Variants in DYNC2I1 observed in about 807,000 individuals in gnomAD.
DYNC2I1 encodes cytoplasmic dynein 2 intermediate chain 1.
DYNC2I1 carries 89 observed loss-of-function variants against 133.4 expected under a neutral mutation model. That is an observed-to-expected ratio of 0.67 (90% CI 0.56 to 0.80). The LOEUF (loss-of-function observed/expected upper bound fraction) is 0.80. Ranked by LOEUF, DYNC2I1 falls within the 30% of genes least tolerant of loss-of-function variation. The pLI is 0.00. For synonymous variants in DYNC2I1, 504 were observed against 484.3 expected, an observed-to-expected ratio of 1.04 and a Z score of -0.54; for missense variants, 1,291 against 1,314.5, an observed-to-expected ratio of 0.98 and a Z score of 0.28.
At chr7:158,850,963 C>G in the DYNC2I1 span, among the ~76,000 whole-genome samples, 1 of 151,166 alleles carries the variant, frequency 6.6e-6, no homozygotes, top group Non-Finnish European at 1.5e-5. Flanking sequence ...GCTGCTTGGT[C>G]GTGAATGACA....
At chr7:158,890,319 T>A (rs1318167284) in intron 7 of DYNC2I1, among the ~76,000 whole-genome samples, 1 of 152,210 alleles carries the variant, frequency 6.6e-6, no homozygotes, top group Non-Finnish European at 1.5e-5. Context: ...TTCTTTTTTT[T>A]TCTTTTCCAG....
chr7:158,929,048 G>T (rs980016908), intron 20 of DYNC2I1, among the ~76,000 whole-genome samples: 1 of 152,144 alleles, frequency 6.6e-6, no homozygotes, highest in African/African-American at 2.4e-5. Context: ...GATATCCTGG[G>T]GTGGTGAGTA....
intron 12 of DYNC2I1, among the ~76,000 whole-genome samples, chr7:158,911,999 C>T (rs944058953): frequency 2.0e-5 from 3 of 152,158 alleles, no homozygotes; most frequent in Non-Finnish European, 4.4e-5. Context: ...TATTTAGAGA[C>T]AGTCTCACTC....
the DYNC2I1 span, among the ~76,000 whole-genome samples, chr7:158,850,801 A>T: frequency 6.6e-6 from 1 of 152,178 alleles, no homozygotes; most frequent in African/African-American, 2.4e-5. Context: ...AGAGTTCCAT[A>T]ATAAAATAAA....
chr7:158,910,781 C>T (rs924573086), intron 11 of DYNC2I1, among the ~76,000 whole-genome samples: 4 of 149,112 alleles, frequency 2.7e-5, no homozygotes, highest in African/African-American at 7.5e-5. Flanking sequence ...TTGGCTGTGT[C>T]AGGCCTGTGT....
chr7:158,841,217 A>G, the DYNC2I1 span, among the ~76,000 whole-genome samples: 2 of 69,128 alleles, frequency 2.9e-5, no homozygotes, highest in African/African-American at 1.2e-4. Context: ...ATATATATAT[A>G]TATATTTTAG....
chr7:158,875,418 A>C (rs557759899), intron 3 of DYNC2I1, among the ~76,000 whole-genome samples: 2 of 152,148 alleles, frequency 1.3e-5, no homozygotes, highest in East Asian at 3.9e-4. Context: ...GAATGAATGC[A>C]CTTTGCCTCA....
chr7:158,949,696 G>A (rs966200014), downstream of DYNC2I1, among the ~76,000 whole-genome samples: 3 of 152,244 alleles, frequency 2.0e-5, no homozygotes, highest in Non-Finnish European at 4.4e-5. Flanking sequence ...CATGGGAGGA[G>A]CATCAAAGGC....
chr7:158,950,206 G>A (rs1342103731), downstream of DYNC2I1, among the ~76,000 whole-genome samples: 2 of 152,204 alleles, frequency 1.3e-5, no homozygotes, highest in Admixed American at 1.3e-4. Flanking sequence ...TGGGATGACA[G>A]GTGTGCACCA....
rs78248905 is a variant in DYNC2I1 at position 158,945,697 on chromosome 7, C to G, written c.3119C>G (p.Ala1040Gly). Residue 1040 changes from alanine (A) to glycine (G), a missense_variant, in exon 25 of 25, where the codon GCG becomes GGG. Coordinates refer to ENST00000407559, the MANE Select transcript of DYNC2I1 (RefSeq NM_018051.5). This position sits in a 1 kb window ranked among gnomAD's most constrained non-coding sequence, Gnocchi z 4.1. The stretch of plus-strand genomic sequence containing the variant: ...ATCCAGCACCTGAAGAGGCGGTGGG[C>G]GGCCCCGGAGGTGGACGAGTGCAAC... ...IDIQHLKRRW[A>G]APEVDECNRL... is the part of the protein sequence containing the mutation. 1.1e-5 allele frequency: 18 copies of G among 1,611,210 alleles called. No individual in the cohort carries two copies. Among genetic ancestry groups the G allele is most frequent in the Non-Finnish European group, 1.4e-5 (17 of 1,178,808 alleles).
At chr7:158,863,629 G>T (rs116923204) in intron 1 of DYNC2I1, among the ~76,000 whole-genome samples, 7 of 110,250 alleles carry the variant, frequency 6.3e-5, no homozygotes, top group African/African-American at 2.5e-4. Flanking sequence ...GTGTGTTTGG[G>T]GGGGGCGGTG....
At chr7:158,932,955 G>A (rs575378338) in intron 21 of DYNC2I1, among the ~76,000 whole-genome samples, 20 of 152,306 alleles carry the variant, frequency 1.3e-4, no homozygotes, top group African/African-American at 4.8e-4. Context: ...GGGAGGGTTG[G>A]GAGCAGCCCA....
At chr7:158,879,623 A>G in intron 4 of DYNC2I1, 61 bp from the exon 5 acceptor site, 1 of 1,493,562 alleles carries the variant, frequency 6.7e-7, no homozygotes. Flanking sequence ...ACAGAGAGGG[A>G]GGGCTGGCTG....
chr7:158,957,471 G>A (rs932787698), downstream of DYNC2I1, among the ~76,000 whole-genome samples: 3 of 152,208 alleles, frequency 2.0e-5, no homozygotes, highest in African/African-American at 7.2e-5. Flanking sequence ...AACCTACCAG[G>A]TAGCTCCTGA....
intron 3 of DYNC2I1, among the ~76,000 whole-genome samples, chr7:158,875,194 C>G (rs1352975156): frequency 2.1e-5 from 3 of 146,172 alleles, no homozygotes; most frequent in Non-Finnish European, 3.0e-5. Context: ...CTTCTGGGTT[C>G]AAGCAATTCT....
At chr7:158,870,885 C>A (rs147302601) in intron 2 of DYNC2I1, among the ~76,000 whole-genome samples, 18 of 152,204 alleles carry the variant, frequency 1.2e-4, no homozygotes, top group African/African-American at 4.3e-4. Flanking sequence ...ATTTGCCGAT[C>A]AGTGTGAATG....
At chr7:158,914,976 A>T (rs1193129277) in intron 14 of DYNC2I1, among the ~76,000 whole-genome samples, 1 of 152,266 alleles carries the variant, frequency 6.6e-6, no homozygotes, top group Non-Finnish European at 1.5e-5. Flanking sequence ...CAGCTGTCTC[A>T]TCACTTTCTT....
At chr7:158,942,802 C>T (rs955669711) in intron 24 of DYNC2I1, among the ~76,000 whole-genome samples, 1 of 152,242 alleles carries the variant, frequency 6.6e-6, no homozygotes, top group Non-Finnish European at 1.5e-5. Flanking sequence ...TCCCAGCTCA[C>T]AGGCAGACCA....
At chr7:158,942,612 T>A (rs961647404) in intron 24 of DYNC2I1, among the ~76,000 whole-genome samples, 2 of 152,248 alleles carry the variant, frequency 1.3e-5, no homozygotes, top group Admixed American at 1.3e-4. Context: ...GAAATGATAG[T>A]TTGTGAGAGC....
Sources: allele counts gnomAD v4.1 joint callset (sites outside exome capture counted in the v4.1 genomes callset), GRCh38; gene constraint gnomAD v4.1.1; non-coding constraint Gnocchi (gnomAD v3.1); transcripts MANE v1.5; gene names NCBI Gene and HGNC (gene_info 2026-07-23, HGNC 2026-07-21).